The following RBM46 variants were observed in gnomAD, a reference collection of about 807,000 sequenced individuals.
RBM46 encodes probable RNA-binding protein 46.
RBM46 carries 12 observed loss-of-function variants against 43.3 expected under a neutral mutation model. The ratio of observed to expected loss-of-function variants is 0.28; its 90% CI spans 0.18 to 0.45. The LOEUF (loss-of-function observed/expected upper bound fraction) is 0.45, where lower values mean the gene tolerates loss of function less well. RBM46 is among the 20% of genes least tolerant of loss of function. RBM46 has a pLI of 1.00. For missense variants in RBM46, 412 were observed against 639.1 expected (o/e 0.64, Z 3.83); for synonymous variants, 205 against 207.6 (o/e 0.99, Z 0.11).
chr4:154,783,560 C>T (rs898483568), intron 1 of RBM46, among the ~76,000 whole-genome samples: 2 of 152,120 alleles, frequency 1.3e-5, no homozygotes, highest in African/African-American at 4.8e-5. Flanking sequence ...AAATTGGTAA[C>T]AGATTTAAAA....
intron 4 of RBM46, among the ~76,000 whole-genome samples, chr4:154,809,525 G>C (rs898270764): frequency 7.2e-5 from 11 of 152,154 alleles, no homozygotes; most frequent in African/African-American, 2.6e-4. Context: ...GAAATAATCT[G>C]AATATAGTTA....
intron 2 of RBM46, among the ~76,000 whole-genome samples, 184 bp downstream of exon 2, chr4:154,797,087 C>T (rs1734391568): frequency 6.6e-6 from 1 of 151,222 alleles, no homozygotes; most frequent in South Asian, 2.1e-4. Flanking sequence ...TACATTTTTT[C>T]AGCCCTGCTC....
chr4:154,791,611 A>G (rs983085555), intron 1 of RBM46, among the ~76,000 whole-genome samples: 4 of 152,198 alleles, frequency 2.6e-5, no homozygotes, highest in African/African-American at 9.6e-5. Flanking sequence ...AGTTAAAATC[A>G]AGATCGAAAT....
intron 4 of RBM46, among the ~76,000 whole-genome samples, chr4:154,813,929 TATATG>T (rs1468064732): frequency 6.6e-6 from 1 of 152,052 alleles, no homozygotes; most frequent in Non-Finnish European, 1.5e-5. Flanking sequence ...CTTTAAAATT[TATATG>T]GAATTTTCTG....
At chr4:154,823,551 A>C (rs748637708) in intron 4 of RBM46, among the ~76,000 whole-genome samples, 12 of 151,970 alleles carry the variant, frequency 7.9e-5, no homozygotes, top group Non-Finnish European at 1.8e-4. Context: ...TCTCACTTTA[A>C]AGTCTCTATT....
intron 4 of RBM46, among the ~76,000 whole-genome samples, chr4:154,801,585 C>A (rs986092477): frequency 6.6e-6 from 1 of 152,082 alleles, no homozygotes; most frequent in African/African-American, 2.4e-5. Context: ...AAGTTTCTCC[C>A]AAGATACTTG....
At chr4:154,822,494 C>T (rs1370671114) in intron 4 of RBM46, among the ~76,000 whole-genome samples, 1 of 150,764 alleles carries the variant, frequency 6.6e-6, no homozygotes, top group Non-Finnish European at 1.5e-5. Context: ...ATTATTTATG[C>T]TTATATGATA....
chr4:154,827,639 G>C (rs1736027063), intron 4 of RBM46: 1 of 1,322,770 alleles, frequency 7.6e-7, no homozygotes, highest in Admixed American at 3.6e-5. Context: ...ATTCTGGTAA[G>C]ATCTCTGAAA....
At chr4:154,789,551 T>G (rs971894921) in intron 1 of RBM46, among the ~76,000 whole-genome samples, 1 of 152,212 alleles carries the variant, frequency 6.6e-6, no homozygotes, top group African/African-American at 2.4e-5. Context: ...ATAAGCTTTT[T>G]GATGTGCTGC....
rs1211968162 is a variant in RBM46, at chr4:154,798,882, A to T, written c.720A>T (p.Val240=). The T allele has an allele frequency of 1.2e-6, 2 of 1,610,706 alleles. No homozygotes were observed. Among genetic ancestry groups the T allele is most frequent in the Non-Finnish European group, 1.7e-6 (2 of 1,178,304 alleles). ...ETMQRVKVLY[V]RNLMISTTEE... ...TGCAGAGAGTTAAAGTTCTTTATGTAAGAAATTTAATGATCTCAACTACAG... is the reference window on the plus strand; with the variant it reads ...TGCAGAGAGTTAAAGTTCTTTATGTTAGAAATTTAATGATCTCAACTACAG... Residue 240 remains valine (V), a synonymous_variant, in exon 4 of 5, where the codon GTA becomes GTT. Coordinates refer to ENST00000281722, the MANE Select transcript of RBM46 (RefSeq NM_144979.5).
intron 4 of RBM46, among the ~76,000 whole-genome samples, chr4:154,824,244 A>G (rs564745718): frequency 3.3e-5 from 5 of 151,996 alleles, no homozygotes; most frequent in South Asian, 4.1e-4. Context: ...ATGTGGAGCA[A>G]CTCGAAGTCT....
chr4:154,813,119 G>C (rs568443510), intron 4 of RBM46, among the ~76,000 whole-genome samples: 1 of 152,126 alleles, frequency 6.6e-6, no homozygotes, highest in African/African-American at 2.4e-5. Flanking sequence ...CAATCTACAT[G>C]CTATAAAGTT....
At chr4:154,813,868 G>GT (rs1323819229) in intron 4 of RBM46, among the ~76,000 whole-genome samples, 1 of 151,966 alleles carries the variant, frequency 6.6e-6, no homozygotes, top group East Asian at 1.9e-4. Context: ...AGAAGAAATA[G>GT]TATGACATAT....
At chr4:154,813,084 A>G (rs1305114060) in intron 4 of RBM46, among the ~76,000 whole-genome samples, 1 of 147,748 alleles carries the variant, frequency 6.8e-6, no homozygotes, top group African/African-American at 2.4e-5. Context: ...TACTCAGCAT[A>G]TGGTGCTTTC....
At chr4:154,793,925 A>C (rs528966274) in intron 1 of RBM46, among the ~76,000 whole-genome samples, 2 of 152,226 alleles carry the variant, frequency 1.3e-5, no homozygotes, top group Admixed American at 1.3e-4. Flanking sequence ...TTGATATTCA[A>C]ATTTAAAATT....
Position 154,808,202 on chromosome 4 carries a change from G to C in RBM46, c.1402+8638G>C, listed in dbSNP as rs184556800. On this transcript the variant is annotated intron_variant, in intron 4 of 4. Coordinates refer to ENST00000281722, the MANE Select transcript of RBM46 (RefSeq NM_144979.5). ...GTTTAAACAGTATACCTTGATTTCT[G>C]TACACAAATTCAAGGGATTGGCACT... is the stretch of plus-strand genomic sequence containing the variant. Among the ~76,000 whole-genome samples the C allele has an allele frequency of 2.0e-3, 310 of 151,946 alleles. 4 individuals are homozygous for C. The South Asian group carries it at 0.032, about 16-fold the overall frequency.
intron 1 of RBM46, among the ~76,000 whole-genome samples, chr4:154,783,381 GTTATT>G (rs1441948621): frequency 3.3e-5 from 5 of 152,174 alleles, no homozygotes; most frequent in Non-Finnish European, 7.4e-5. Flanking sequence ...GTTTAATGGT[GTTATT>G]TTATTGTTAG....
At chr4:154,795,063 G>C (rs529937038) in intron 1 of RBM46, among the ~76,000 whole-genome samples, 1 of 152,070 alleles carries the variant, frequency 6.6e-6, no homozygotes, top group Non-Finnish European at 1.5e-5. Context: ...GAATTTGCAG[G>C]CTCTGCTGTG....
At chr4:154,824,290 T>C (rs1735851120) in intron 4 of RBM46, among the ~76,000 whole-genome samples, 1 of 152,174 alleles carries the variant, frequency 6.6e-6, no homozygotes, top group East Asian at 1.9e-4. Context: ...ATGGTCATAC[T>C]AGAGAACTCT....
Sources: allele counts gnomAD v4.1 joint callset (sites outside exome capture counted in the v4.1 genomes callset), GRCh38; gene constraint gnomAD v4.1.1; transcripts MANE v1.5; gene names NCBI Gene and HGNC (gene_info 2026-07-23, HGNC 2026-07-21).